KCNT2: variants seen among roughly 807,000 people sequenced by gnomAD.
The protein encoded by KCNT2 is potassium channel subfamily T member 2.
KCNT2 carries 67 observed loss-of-function variants against 153.8 expected under a neutral mutation model. The observed-to-expected ratio is 0.44, with a 90% CI of 0.36 to 0.53. The LOEUF (loss-of-function observed/expected upper bound fraction) is 0.53. Among genes scored for constraint, KCNT2 ranks in the 20% least tolerant of loss-of-function variants. The pLI, the probability that KCNT2 is intolerant of heterozygous loss-of-function variation, is 0.00. For synonymous variants in KCNT2, 500 were observed against 458.8 expected, an observed-to-expected ratio of 1.09 and a Z score of -1.15; for missense variants, 975 against 1,354.8, an observed-to-expected ratio of 0.72 and a Z score of 4.40.
intron 27 of KCNT2, 77 bp downstream of exon 27, chr1:196,235,909 G>T: frequency 1.2e-6 from 1 of 854,962 alleles, no homozygotes; most frequent in Admixed American, 2.1e-5. Context: ...AGGCTATTAT[G>T]GCCTAAATAT....
At chr1:196,387,943 T>G (rs78666002) in intron 13 of KCNT2, among the ~76,000 whole-genome samples, 4 of 151,144 alleles carry the variant, frequency 2.6e-5, no homozygotes, top group Non-Finnish European at 5.9e-5. Flanking sequence ...TTTTTTTTTT[T>G]CTCTTATGGT....
chr1:196,404,092 C>G (rs1671639691), intron 12 of KCNT2: 1 of 890,550 alleles, frequency 1.1e-6, no homozygotes, highest in Non-Finnish European at 1.3e-6. Flanking sequence ...AAAGAAAATA[C>G]TAATAGATAC....
At chr1:196,301,624 A>G (rs576010142) in intron 22 of KCNT2, among the ~76,000 whole-genome samples, 8 of 152,330 alleles carry the variant, frequency 5.3e-5, no homozygotes, top group Non-Finnish European at 1.0e-4. Context: ...AATACAGTTT[A>G]ACATTCCACA....
intron 3 of KCNT2, among the ~76,000 whole-genome samples, chr1:196,485,236 C>T (rs562584045): frequency 5.2e-4 from 79 of 151,852 alleles, no homozygotes; most frequent in Non-Finnish European, 8.7e-4. Flanking sequence ...CATCGGTAGA[C>T]ATTGAACAAT....
chr1:196,486,956 C>T (rs1403816029), intron 3 of KCNT2, among the ~76,000 whole-genome samples: 2 of 151,860 alleles, frequency 1.3e-5, no homozygotes, highest in African/African-American at 2.4e-5. Context: ...TGAATCCTTT[C>T]AAAATATTGG....
intron 3 of KCNT2, among the ~76,000 whole-genome samples, chr1:196,487,409 A>AGTGTGTGTGTGT (rs56943556): frequency 0.055 from 8,102 of 146,356 alleles, 290 homozygotes; most frequent in South Asian, 0.081. Flanking sequence ...CATGTTATGG[A>AGTGTGTGTGTGT]GTGTGTGTGT....
chr1:196,336,965 T>C (rs1665098002), intron 16 of KCNT2, among the ~76,000 whole-genome samples: 1 of 152,074 alleles, frequency 6.6e-6, no homozygotes, highest in Non-Finnish European at 1.5e-5. Context: ...TTGTCTTTTA[T>C]TTTTTCCTGC....
rs1384972170 is a variant in KCNT2, at chr1:196,496,134, C to T, written c.96-3793G>A. ...GTTCTTTAATATTTCTACAGTAAGA[C>T]CTCACTTAATGTCATCCATAGCTTC... On this transcript the variant is annotated intron_variant, in intron 1 of 27. Coordinates refer to ENST00000294725, the MANE Select transcript of KCNT2 (RefSeq NM_198503.5). 5.9e-5 allele frequency among the ~76,000 whole-genome samples: 9 copies of T among 152,108 alleles called. No homozygotes were observed. In the South Asian group the frequency reaches 6.2e-4, roughly 11 times the overall value.
chr1:196,256,535 G>A (rs1004641568), intron 26 of KCNT2, among the ~76,000 whole-genome samples: 2 of 151,414 alleles, frequency 1.3e-5, no homozygotes, highest in Non-Finnish European at 2.9e-5. Context: ...AAAAATATTA[G>A]CAATTTAGTG....
At chr1:196,232,228 T>C (rs1287929352) in intron 27 of KCNT2, among the ~76,000 whole-genome samples, 2 of 151,760 alleles carry the variant, frequency 1.3e-5, no homozygotes, top group Non-Finnish European at 3.0e-5. Context: ...AGAAAACTAA[T>C]AGTGCACATT....
At chr1:196,291,362 G>T (rs1462344141) in intron 22 of KCNT2, among the ~76,000 whole-genome samples, 1 of 151,632 alleles carries the variant, frequency 6.6e-6, no homozygotes, top group Non-Finnish European at 1.5e-5. Context: ...AGATTTTTAT[G>T]ACACTATTTT....
At chr1:196,563,078 C>A (rs1659635997) in intron 1 of KCNT2, among the ~76,000 whole-genome samples, 1 of 152,108 alleles carries the variant, frequency 6.6e-6, no homozygotes, top group Middle Eastern at 3.4e-3. Context: ...ACGCCTTCAA[C>A]CTTCAGTCTT....
At chr1:196,330,052 A>G (rs1012305240) in intron 18 of KCNT2, among the ~76,000 whole-genome samples, 1 of 146,524 alleles carries the variant, frequency 6.8e-6, no homozygotes, top group Non-Finnish European at 1.5e-5. Context: ...AGCAATATAT[A>G]TATATTTGGT....
At chr1:196,341,576 A>G (rs1665635428) in intron 15 of KCNT2, among the ~76,000 whole-genome samples, 1 of 151,966 alleles carries the variant, frequency 6.6e-6, no homozygotes, top group Non-Finnish European at 1.5e-5. Context: ...ATACATTTTT[A>G]CTTCTTAAGT....
At position 196,258,224 on chromosome 1, in the gene KCNT2, T is replaced by G; in HGVS notation, c.3181A>C (p.Lys1061Gln). 1 of 1,613,954 alleles carries G rather than the reference T, an allele frequency of 6.2e-7. No homozygotes were observed. Reference sequence around the variant, plus strand: ...CCCACTGTAGAAAGACCCAAGTGTTTCATTCTATTTTTCACAAGTTCAGCA... The same window carrying G: ...CCCACTGTAGAAAGACCCAAGTGTTGCATTCTATTTTTCACAAGTTCAGCA... The part of the protein sequence containing the change: ...ELAELVKNRM[K>Q]HLGLSTVGYD... The change falls in exon 26 of 28, where the codon AAA becomes CAA. Residue 1061 changes from lysine to glutamine, a missense_variant. Physicochemically the swap from Lys to Gln is moderately conservative, Grantham distance 53. Coordinates refer to ENST00000294725, the MANE Select transcript of KCNT2 (RefSeq NM_198503.5).
chr1:196,410,155 G>A (rs1672171906), intron 12 of KCNT2, among the ~76,000 whole-genome samples: 1 of 134,120 alleles, frequency 7.5e-6, no homozygotes, highest in Admixed American at 7.2e-5. Flanking sequence ...ATTTCCTTTC[G>A]TGTGTGTGTG....
intron 1 of KCNT2, among the ~76,000 whole-genome samples, chr1:196,601,884 C>T (rs1289689102): frequency 2.6e-5 from 4 of 152,042 alleles, no homozygotes; most frequent in Non-Finnish European, 4.4e-5. Flanking sequence ...AGAAGTTGAG[C>T]AGATGATTAT....
chr1:196,360,463 A>C (rs1254840897), intron 14 of KCNT2, among the ~76,000 whole-genome samples: 1 of 151,982 alleles, frequency 6.6e-6, no homozygotes, highest in Non-Finnish European at 1.5e-5. Flanking sequence ...TGGTGTCCCC[A>C]CCTCCAGGGT....
chr1:196,295,525 AC>A (rs1240871903), intron 22 of KCNT2, among the ~76,000 whole-genome samples: 2 of 151,916 alleles, frequency 1.3e-5, no homozygotes, highest in Non-Finnish European at 2.9e-5. Flanking sequence ...GAGAATTCGA[AC>A]CACTCAAAAT....
Sources: gnomAD v4.1 joint callset for allele counts (sites outside exome capture counted in the v4.1 genomes callset) on GRCh38, gnomAD v4.1.1 for gene constraint, MANE v1.5 for transcripts, NCBI Gene and HGNC (gene_info 2026-07-23, HGNC 2026-07-21) for gene names.